Variants in FAM107A observed in about 807,000 individuals in gnomAD.
FAM107A encodes the protein family with sequence similarity 107 member A, also known as actin-associated protein FAM107A.
Under a neutral mutation model 13.7 loss-of-function variants are expected in FAM107A, and 19 were observed. That is an observed-to-expected ratio of 1.38 (90% confidence interval 0.97 to 2.03). The LOEUF is 2.03. FAM107A is among the 30% of genes most tolerant of loss of function. The pLI, the probability that FAM107A is intolerant of heterozygous loss-of-function variation, is 0.00. For missense variants in FAM107A, 203 were observed against 184.4 expected (o/e 1.10, Z -0.58); for synonymous variants, 82 against 74.5 (o/e 1.10, Z -0.52).
chr3:58,623,718 C>T (rs771091266), intron 1 of FAM107A, among the ~76,000 whole-genome samples: 16 of 152,188 alleles, frequency 1.1e-4, no homozygotes, highest in Admixed American at 1.3e-4. Flanking sequence ...ATGTTAACTC[C>T]ACCCTTACTA....
intron 1 of FAM107A, chr3:58,626,986 T>G (rs1405587561): frequency 2.0e-6 from 3 of 1,535,978 alleles, no homozygotes; most frequent in South Asian, 2.4e-5. Context: ...TCCCCTGGGC[T>G]GCTCCCATGG....
upstream of FAM107A, chr3:58,577,865 G>C (rs1411369926): frequency 3.1e-5 from 8 of 259,410 alleles, no homozygotes; most frequent in Admixed American, 6.5e-5. The surrounding 1 kb of genome is among the most constrained non-coding windows in gnomAD (Gnocchi z 4.9). Context: ...AATTATCCAC[G>C]AATGGGTCAG....
intron 1 of FAM107A, among the ~76,000 whole-genome samples, chr3:58,582,797 AGTTTGTTT>A (rs894502452): frequency 3.9e-5 from 6 of 152,250 alleles, no homozygotes; most frequent in African/African-American, 1.4e-4. Flanking sequence ...AGAGCATTCA[AGTTTGTTT>A]GTTTGTTTGT....
At chr3:58,598,759 G>A (rs1321770685) in intron 1 of FAM107A, among the ~76,000 whole-genome samples, 1 of 152,010 alleles carries the variant, frequency 6.6e-6, no homozygotes, top group East Asian at 1.9e-4. Flanking sequence ...GAGTTTTGTC[G>A]TTTTTCTGCA....
chr3:58,567,193 G>A lies in FAM107A; in HGVS notation c.327+15C>T, dbSNP rs370992953. The A allele has an allele frequency of 2.4e-5, 38 of 1,614,008 alleles. No homozygotes were observed. The African/African-American group carries it at 4.8e-4, about 20-fold the overall frequency. ...CTGGAGGATGCGTGGTCCCTGCTGG[G>A]TGCCCATCACCCACCTGGTTCAGCC... On this transcript the variant is annotated intron_variant, in intron 3 of 3. Coordinates refer to ENST00000360997, the MANE Select transcript of FAM107A (RefSeq NM_001076778.3).
intron 1 of FAM107A, among the ~76,000 whole-genome samples, chr3:58,622,058 G>A (rs2106640834): frequency 6.6e-6 from 1 of 152,360 alleles, no homozygotes; most frequent in Admixed American, 6.5e-5. Flanking sequence ...GAATTGGCAT[G>A]AAGGGCAGAG....
At chr3:58,627,435 C>A (rs2106652238) in exon 1 of FAM107A, 1 of 175,946 alleles carries the variant, frequency 5.7e-6, no homozygotes, top group Admixed American at 5.9e-5. Flanking sequence ...CACCACTCAG[C>A]CGACAGGGCC....
At chr3:58,566,876 C>T (rs2063627098) in intron 3 of FAM107A, 181 bp from the exon 4 acceptor site, 1 of 614,796 alleles carries the variant, frequency 1.6e-6, no homozygotes, top group South Asian at 2.0e-5. Flanking sequence ...CCTTGTGCAG[C>T]CTGGTTCAAA....
In FAM107A at chr3:58,614,634, A is replaced by G. The variant is rs577679661; in HGVS notation, c.-70+12782T>C. On this transcript the variant is annotated intron_variant, in intron 1 of 3. Transcript: ENST00000465970. Reference sequence around the variant, plus strand: ...ATTCTCTTGCCTCAGCCTCCCAAGTATCTGGGATTACAGGTGCCTGCCACC... The same window carrying G: ...ATTCTCTTGCCTCAGCCTCCCAAGTGTCTGGGATTACAGGTGCCTGCCACC... Among the ~76,000 whole-genome samples, 10 of 151,266 alleles carry G rather than the reference A, an allele frequency of 6.6e-5. No individual in the cohort carries two copies. In the South Asian group the frequency reaches 1.7e-3, roughly 25 times the overall value.
intron 1 of FAM107A, among the ~76,000 whole-genome samples, chr3:58,621,303 C>G (rs1028476827): frequency 6.6e-6 from 1 of 152,184 alleles, no homozygotes; most frequent in South Asian, 2.1e-4. Flanking sequence ...TTGGCTGGCA[C>G]TAAGGACTGG....
Position 58,617,410 on chromosome 3 carries a change from T to C in FAM107A, c.-70+10006A>G, listed in dbSNP as rs1463651404. Among the ~76,000 whole-genome samples, 1 of 152,134 alleles carries C rather than the reference T, an allele frequency of 6.6e-6. No individual in the cohort carries two copies. The highest frequency in any genetic ancestry group is 2.4e-5 in the African/African-American group (1 of 41,436). ...ACCTCAGGCCCCGTCCTGAGCTTCC[T>C]GAGGAGCCGGATGTCACCTAGACCA... On this transcript the variant is annotated intron_variant, in intron 1 of 3. Coordinates refer to the FAM107A transcript ENST00000465970. This position sits in a 1 kb window ranked among gnomAD's most constrained non-coding sequence, Gnocchi z 4.5.
At chr3:58,571,184 G>A (rs1049425782) in intron 1 of FAM107A, among the ~76,000 whole-genome samples, 1 of 152,306 alleles carries the variant, frequency 6.6e-6, no homozygotes, top group East Asian at 1.9e-4. Flanking sequence ...CAGGAATCTG[G>A]GCATAAAACA....
At chr3:58,619,966 G>A (rs1009499589) in intron 1 of FAM107A, among the ~76,000 whole-genome samples, 1 of 152,018 alleles carries the variant, frequency 6.6e-6, no homozygotes, top group African/African-American at 2.4e-5. Context: ...GGAAACTGAG[G>A]GATTCAGTCT....
intron 1 of FAM107A, among the ~76,000 whole-genome samples, chr3:58,575,371 C>T (rs767583243): frequency 2.6e-5 from 4 of 152,170 alleles, no homozygotes; most frequent in Admixed American, 6.5e-5. Context: ...GAGTGATGCT[C>T]ACCGAAGACA....
intron 1 of FAM107A, among the ~76,000 whole-genome samples, chr3:58,586,705 C>G (rs1278055426): frequency 6.6e-6 from 1 of 152,102 alleles, no homozygotes; most frequent in East Asian, 1.9e-4. Context: ...CACAAACAAA[C>G]AAAAAAGCAA....
chr3:58,568,854 C>G (rs907439822), intron 2 of FAM107A, among the ~76,000 whole-genome samples: 4 of 152,192 alleles, frequency 2.6e-5, no homozygotes, highest in Non-Finnish European at 4.4e-5. Flanking sequence ...TTCCTCTTCT[C>G]CAATTCACAT....
At chr3:58,590,581 T>C (rs911971093), upstream of FAM107A, among the ~76,000 whole-genome samples, 2 of 152,148 alleles carry the variant, frequency 1.3e-5, no homozygotes, top group African/African-American at 4.8e-5. Flanking sequence ...TCCAGGAACT[T>C]ATAATTATGG....
chr3:58,585,392 A>T (rs1045440552), intron 1 of FAM107A, among the ~76,000 whole-genome samples: 1 of 152,236 alleles, frequency 6.6e-6, no homozygotes, highest in African/African-American at 2.4e-5. Flanking sequence ...ACCCTCCTTT[A>T]GGAAGGCGCC....
At chr3:58,587,204 G>A, upstream of FAM107A, 1 of 951,920 alleles carries the variant, frequency 1.1e-6, no homozygotes, top group Non-Finnish European at 1.4e-6. Context: ...TAGCCCCGAG[G>A]TTCCAGGGCC....
Sources: allele counts gnomAD v4.1 joint callset (sites outside exome capture counted in the v4.1 genomes callset), GRCh38; gene constraint gnomAD v4.1.1; non-coding constraint Gnocchi (gnomAD v3.1); transcripts MANE v1.5; gene names NCBI Gene and HGNC (gene_info 2026-07-23, HGNC 2026-07-21).